Variants in LUC7L2 observed in about 807,000 individuals in gnomAD.
LUC7L2 encodes LUC7 like 2, pre-mRNA splicing factor, also known as putative RNA-binding protein Luc7-like 2.
A neutral mutation model predicts 52.8 loss-of-function variants in LUC7L2; 25 were observed. The ratio of observed to expected loss-of-function variants is 0.47; its 90% CI spans 0.34 to 0.66. LUC7L2 has a LOEUF of 0.66. LUC7L2 is among the 30% of genes least tolerant of loss of function. The pLI, the probability that LUC7L2 is intolerant of heterozygous loss-of-function variation, is 0.01. For synonymous variants in LUC7L2, 144 were observed against 160.9 expected, an observed-to-expected ratio of 0.89 and a Z score of 0.80; for missense variants, 328 against 497.8, an observed-to-expected ratio of 0.66 and a Z score of 3.25.
chr7:139,414,600 A>G (rs1275163556), intron 8 of LUC7L2, among the ~76,000 whole-genome samples: 1 of 152,206 alleles, frequency 6.6e-6, no homozygotes, highest in African/African-American at 2.4e-5. Flanking sequence ...AGTTTGAATG[A>G]TAAAGTACCT....
upstream of LUC7L2, chr7:139,359,688 G>C (rs1426556665): frequency 7.5e-6 from 3 of 398,058 alleles, no homozygotes; most frequent in Non-Finnish European, 1.3e-5. Flanking sequence ...GTAAGGTTTG[G>C]CGCCTCGGGG....
rs11409457 is a variant in LUC7L2 at position 139,412,536 on chromosome 7, A to ACTTT, written c.780-15_780-14insCTTT. ...TATAGCCACTTTTCTAAAAATACAT[A>ACTTT]TTTTTTTTTTTTAGGTCCCGATCAC... is the stretch of plus-strand genomic sequence containing the variant. On this transcript the variant is annotated splice_polypyrimidine_tract_variant and intron_variant, in intron 7 of 9. Transcript: ENST00000354926. 10 of 1,428,226 alleles carry ACTTT rather than the reference A, an allele frequency of 7.0e-6. No homozygotes were observed. The highest frequency in any genetic ancestry group is 4.3e-5 in the African/African-American group (3 of 69,286). 88.5% of individuals were successfully genotyped at this position (1,428,226 alleles called of 1,614,324 possible).
chr7:139,412,825 TAAAAAAAAAA>T (rs10593094), intron 8 of LUC7L2: 1 of 121,460 alleles, frequency 8.2e-6, no homozygotes, highest in Non-Finnish European at 1.7e-5. Flanking sequence ...ACTCTGTCTT[TAAAAAAAAAA>T]AAAAAAAAAA....
chr7:139,359,223 G>A (rs562776777), upstream of LUC7L2: 9 of 152,346 alleles, frequency 5.9e-5, no homozygotes, highest in South Asian at 1.9e-3. Flanking sequence ...CAGTAGCTGA[G>A]AATACGCTGA....
chr7:139,359,755 A>G, upstream of LUC7L2: 1 of 400,028 alleles, frequency 2.5e-6, no homozygotes, highest in Non-Finnish European at 4.4e-6. Context: ...TCCGGGGTAA[A>G]GGGGCGGGAG....
intron 2 of LUC7L2, among the ~76,000 whole-genome samples, chr7:139,378,981 T>A (rs1800851225): frequency 6.6e-6 from 1 of 152,310 alleles, no homozygotes; most frequent in Non-Finnish European, 1.5e-5. Flanking sequence ...ATGCTTTTTC[T>A]TTGTTGTGTA....
At chr7:139,361,904 C>T (rs1569367256) in intron 1 of LUC7L2, among the ~76,000 whole-genome samples, 1 of 152,100 alleles carries the variant, frequency 6.6e-6, no homozygotes, top group Admixed American at 6.6e-5. Flanking sequence ...TTTTTGGGAT[C>T]TTCTTCATGG....
intron 1 of LUC7L2, among the ~76,000 whole-genome samples, chr7:139,372,021 A>G (rs950348518): frequency 6.6e-6 from 1 of 152,190 alleles, no homozygotes; most frequent in African/African-American, 2.4e-5. Flanking sequence ...AGAAATAGGA[A>G]TTAATAGAAA....
intron 3 of LUC7L2, among the ~76,000 whole-genome samples, chr7:139,401,265 A>G (rs1794903331): frequency 6.6e-6 from 1 of 152,200 alleles, no homozygotes; most frequent in Non-Finnish European, 1.5e-5. Context: ...AAAAAGGGTA[A>G]AAATGTTCGG....
rs762901221 is a variant in LUC7L2, at chr7:139,398,559, CTT to C, written c.157-33_157-32del. ...GGTTGTTGAAGCATTTTTTAAAAAA[CTT>C]TTTTTTGTTTTAATATTATGTCTTT... On this transcript the variant is annotated intron_variant, in intron 2 of 9. Coordinates refer to ENST00000354926, the MANE Select transcript of LUC7L2 (RefSeq NM_016019.5). The C allele has an allele frequency of 2.6e-6, 4 of 1,534,330 alleles. No homozygotes were observed. The African/African-American group carries it at 4.2e-5, about 16-fold the overall frequency.
intron 7 of LUC7L2, 132 bp from the exon 8 acceptor site, chr7:139,412,419 G>A: frequency 9.2e-7 from 1 of 1,092,030 alleles, no homozygotes; most frequent in Non-Finnish European, 1.2e-6. Flanking sequence ...GGAAAATTTT[G>A]TGTGCGTAGG....
intron 2 of LUC7L2, among the ~76,000 whole-genome samples, chr7:139,377,852 CAA>C (rs1291358384): frequency 9.3e-6 from 1 of 107,444 alleles, no homozygotes; most frequent in African/African-American, 3.8e-5. Flanking sequence ...TTTTTTGAGA[CAA>C]GAGTCTTGCT....
intron 1 of LUC7L2, among the ~76,000 whole-genome samples, chr7:139,352,984 G>A (rs1010371378): frequency 1.3e-5 from 2 of 152,126 alleles, no homozygotes; most frequent in Non-Finnish European, 1.5e-5. Context: ...GATCACCTGA[G>A]GTCAGGAGTT....
intron 2 of LUC7L2, among the ~76,000 whole-genome samples, chr7:139,389,828 T>C (rs1794353310): frequency 6.6e-6 from 1 of 152,198 alleles, no homozygotes; most frequent in Non-Finnish European, 1.5e-5. Context: ...GCAATCAATA[T>C]GCAAAAATAA....
At chr7:139,394,991 T>A (rs1286976952) in intron 2 of LUC7L2, among the ~76,000 whole-genome samples, 1 of 152,214 alleles carries the variant, frequency 6.6e-6, no homozygotes. Context: ...GACTGTTTTT[T>A]AAAAGCTTCC....
chr7:139,401,204 G>C (rs887014188), intron 3 of LUC7L2, among the ~76,000 whole-genome samples: 6 of 135,304 alleles, frequency 4.4e-5, no homozygotes. Context: ...TGATGTGCGA[G>C]ACTCTTGTCT....
intron 2 of LUC7L2, among the ~76,000 whole-genome samples, chr7:139,387,295 G>A (rs550365684): frequency 9.2e-5 from 14 of 152,076 alleles, no homozygotes; most frequent in African/African-American, 2.4e-4. Flanking sequence ...CCAGGTTCAC[G>A]CCATTCTCCT....
At chr7:139,347,093 T>G (rs1799293775) in intron 1 of LUC7L2, among the ~76,000 whole-genome samples, 1 of 152,192 alleles carries the variant, frequency 6.6e-6, no homozygotes, top group Non-Finnish European at 1.5e-5. Flanking sequence ...TTGCCAACAC[T>G]TATTTACCTT....
intron 1 of LUC7L2, among the ~76,000 whole-genome samples, chr7:139,371,138 C>T (rs1800431084): frequency 6.6e-6 from 1 of 152,116 alleles, no homozygotes; most frequent in Non-Finnish European, 1.5e-5. Context: ...TCCCCTGCCC[C>T]CATTTGTAGA....
Sources: allele counts gnomAD v4.1 joint callset (sites outside exome capture counted in the v4.1 genomes callset), GRCh38; gene constraint gnomAD v4.1.1; transcripts MANE v1.5; gene names NCBI Gene and HGNC (gene_info 2026-07-23, HGNC 2026-07-21).